Variants in CSMD1 observed in about 807,000 individuals in gnomAD.
CSMD1 encodes CUB and Sushi multiple domains 1.
Under a neutral mutation model 417.5 loss-of-function variants are expected in CSMD1, and 213 were observed. That is an observed-to-expected ratio of 0.51 (90% CI 0.46 to 0.57). CSMD1 has a LOEUF of 0.57. CSMD1 is among the 20% of genes least tolerant of loss of function. The pLI is 0.00. For missense variants in CSMD1, 6,923 were observed against 4,529.7 expected (o/e 1.53, Z -15.17); for synonymous variants, 2,862 against 1,736.8 (o/e 1.65, Z -16.11).
At chr8:3,822,909 A>G (rs2129083570) in intron 5 of CSMD1, among the ~76,000 whole-genome samples, 1 of 152,318 alleles carries the variant, frequency 6.6e-6, no homozygotes, top group South Asian at 2.1e-4. Flanking sequence ...CACTGTGCAG[A>G]GCTAAGTAAA....
rs117974340 is a variant in CSMD1 at position 3,340,381 on chromosome 8, G to A, written c.3631+2913C>T. Among the ~76,000 whole-genome samples the A allele has an allele frequency of 1.6e-3, 240 of 152,226 alleles. 3 individuals carry two copies. In the East Asian group the frequency reaches 0.03, roughly 19 times the overall value. On this transcript the variant is annotated intron_variant, in intron 23 of 69. Transcript: ENST00000635120. ...ATTGTTTGTACCCATTTCTAAAAAT[G>A]TTAGGGTTTTTTTTTATTAAGCTAT...
intron 37 of CSMD1, among the ~76,000 whole-genome samples, chr8:3,179,170 C>G (rs561190598): frequency 2.6e-5 from 4 of 151,624 alleles, no homozygotes; most frequent in Admixed American, 2.6e-4. Context: ...CTGTCTCGAT[C>G]TCCTGACCTC....
At chr8:4,365,630 C>G (rs550602818) in intron 3 of CSMD1, among the ~76,000 whole-genome samples, 1 of 152,310 alleles carries the variant, frequency 6.6e-6, no homozygotes, top group South Asian at 2.1e-4. Flanking sequence ...ACTCTGAACA[C>G]TAACGGTGAA....
At chr8:4,165,082 G>C (rs377107144) in intron 3 of CSMD1, among the ~76,000 whole-genome samples, 2 of 152,110 alleles carry the variant, frequency 1.3e-5, no homozygotes, top group African/African-American at 4.8e-5. Flanking sequence ...GGTGGGTACA[G>C]ATGTGTGTTT....
chr8:4,100,021 C>G (rs967063393), intron 3 of CSMD1, among the ~76,000 whole-genome samples: 8 of 152,082 alleles, frequency 5.3e-5, no homozygotes, highest in Admixed American at 5.2e-4. Flanking sequence ...TTATGACTTC[C>G]AGAAGAAGAT....
rs568496290 is a variant in CSMD1 at position 4,705,399 on chromosome 8, T to C, written c.86-67841A>G. ...ACCCAGCGTCTATCAAGAACATGCA[T>C]AGTCATCCAAAGACACAAAACCCTA... On this transcript the variant is annotated intron_variant, in intron 1 of 69. Coordinates refer to ENST00000635120, the MANE Select transcript of CSMD1 (RefSeq NM_033225.6). Among the ~76,000 whole-genome samples the C allele has an allele frequency of 6.6e-5, 10 of 152,276 alleles. No individual in the cohort carries two copies. In the South Asian group the frequency reaches 8.3e-4, roughly 13 times the overall value.
At chr8:4,099,535 T>G (rs1424123861) in intron 3 of CSMD1, among the ~76,000 whole-genome samples, 1 of 152,236 alleles carries the variant, frequency 6.6e-6, no homozygotes, top group Non-Finnish European at 1.5e-5. Context: ...ATGAGCACCT[T>G]TGTGAACAAA....
At chr8:4,168,558 G>C (rs971848028) in intron 3 of CSMD1, among the ~76,000 whole-genome samples, 1 of 152,070 alleles carries the variant, frequency 6.6e-6, no homozygotes, top group East Asian at 1.9e-4. Context: ...GAGCAGATGA[G>C]AAGCAGAAGG....
At chr8:4,440,592 C>T (rs1430437744) in intron 2 of CSMD1, among the ~76,000 whole-genome samples, 2 of 152,180 alleles carry the variant, frequency 1.3e-5, no homozygotes, top group Non-Finnish European at 2.9e-5. Flanking sequence ...CCAACTTTAG[C>T]ATTTTCTCTG....
chr8:4,901,365 T>C (rs1321122482), intron 1 of CSMD1, among the ~76,000 whole-genome samples: 1 of 152,226 alleles, frequency 6.6e-6, no homozygotes, highest in African/African-American at 2.4e-5. Context: ...TAGTTATCTA[T>C]AGAAGACTAT....
intron 41 of CSMD1, among the ~76,000 whole-genome samples, chr8:3,131,025 A>G (rs1031344014): frequency 1.3e-5 from 2 of 152,214 alleles, no homozygotes; most frequent in Non-Finnish European, 1.5e-5. Flanking sequence ...TCCAGCGTTC[A>G]TAACTGTTTT....
chr8:3,712,649 C>T (rs6984538), intron 6 of CSMD1, among the ~76,000 whole-genome samples: 50,195 of 152,042 alleles, frequency 0.33, 8,451 homozygotes, highest in East Asian at 0.5. Flanking sequence ...TCACAATCTT[C>T]GGAGGTGAGC....
intron 1 of CSMD1, among the ~76,000 whole-genome samples, chr8:4,760,714 G>A (rs1030532806): frequency 2.6e-5 from 4 of 152,090 alleles, no homozygotes; most frequent in Admixed American, 6.6e-5. Flanking sequence ...AATAAAAGGT[G>A]TATTTTGTAA....
chr8:3,799,825 A>T (rs1800362138), intron 5 of CSMD1, among the ~76,000 whole-genome samples: 1 of 152,098 alleles, frequency 6.6e-6, no homozygotes, highest in African/African-American at 2.4e-5. Context: ...CTCTAATCTA[A>T]ATGGACATGA....
At chr8:3,708,150 A>G (rs1455642588) in intron 7 of CSMD1, among the ~76,000 whole-genome samples, 1 of 152,172 alleles carries the variant, frequency 6.6e-6, no homozygotes, top group Non-Finnish European at 1.5e-5. Context: ...ACATATACTT[A>G]AGAGAGACAT....
chr8:3,316,387 C>T (rs182826178), intron 23 of CSMD1, among the ~76,000 whole-genome samples: 32 of 152,208 alleles, frequency 2.1e-4, no homozygotes, highest in Admixed American at 9.2e-4. Flanking sequence ...TAAAATAAAA[C>T]GGCTCCTATC....
chr8:3,703,761 A>G (rs2129037992), intron 7 of CSMD1, among the ~76,000 whole-genome samples: 1 of 152,262 alleles, frequency 6.6e-6, no homozygotes, highest in East Asian at 1.9e-4. Context: ...ATGGCCAGCT[A>G]TTACATACCT....
At chr8:4,962,092 TGTAA>T (rs1424541208) in intron 1 of CSMD1, among the ~76,000 whole-genome samples, 1 of 133,474 alleles carries the variant, frequency 7.5e-6, no homozygotes, top group African/African-American at 3.1e-5. Context: ...TTGTCATGCA[TGTAA>T]GTATGTATTT....
intron 3 of CSMD1, among the ~76,000 whole-genome samples, chr8:4,187,447 C>A (rs1159515756): frequency 6.6e-6 from 1 of 152,020 alleles, no homozygotes; most frequent in African/African-American, 2.4e-5. Context: ...AGGAAGAGAC[C>A]AGCCTGATCA....
Sources: allele counts gnomAD v4.1 joint callset (sites outside exome capture counted in the v4.1 genomes callset), GRCh38; gene constraint gnomAD v4.1.1; transcripts MANE v1.5; gene names NCBI Gene and HGNC (gene_info 2026-07-23, HGNC 2026-07-21).